RPS6KC1: variants seen among roughly 807,000 people sequenced by gnomAD.
The protein encoded by RPS6KC1 is ribosomal protein S6 kinase C1.
A neutral mutation model predicts 103.8 loss-of-function variants in RPS6KC1; 54 were observed. That is an observed-to-expected ratio of 0.52 (90% CI 0.42 to 0.65). RPS6KC1 has a LOEUF of 0.65. RPS6KC1 is among the 30% of genes least tolerant of loss of function. The probability of loss-of-function intolerance (pLI) is 0.00; values close to 1 mark genes in which losing one functional copy is unlikely to be tolerated. For synonymous variants in RPS6KC1, 439 were observed against 438.7 expected, an observed-to-expected ratio of 1.00 and a Z score of -0.01; for missense variants, 1,151 against 1,253.8, an observed-to-expected ratio of 0.92 and a Z score of 1.24.
the RPS6KC1 span, among the ~76,000 whole-genome samples, chr1:213,512,323 C>T: frequency 2.0e-5 from 3 of 152,166 alleles, no homozygotes; most frequent in Middle Eastern, 3.2e-3. Context: ...AGAAAGCCTT[C>T]GGTAACTTGT....
chr1:213,617,848 T>C, the RPS6KC1 span, among the ~76,000 whole-genome samples: 1 of 152,218 alleles, frequency 6.6e-6, no homozygotes, highest in Non-Finnish European at 1.5e-5. Context: ...GAGATTTTTC[T>C]TATTGCTCTA....
the RPS6KC1 span, among the ~76,000 whole-genome samples, chr1:213,666,070 G>A: frequency 4.7e-4 from 71 of 152,148 alleles, no homozygotes; most frequent in African/African-American, 1.5e-3. Context: ...ACCCCCTCTC[G>A]GCAGTGGGGT....
At chr1:213,481,205 A>C in the RPS6KC1 span, among the ~76,000 whole-genome samples, 7 of 152,162 alleles carry the variant, frequency 4.6e-5, no homozygotes, top group Non-Finnish European at 5.9e-5. Context: ...CTGTCCCTGA[A>C]GATTTGGTAA....
At chr1:213,126,349 G>C (rs959023589) in intron 5 of RPS6KC1, among the ~76,000 whole-genome samples, 2 of 152,046 alleles carry the variant, frequency 1.3e-5, no homozygotes, top group Admixed American at 6.6e-5. Context: ...TAGGCTCAAT[G>C]AATCTCATTT....
At chr1:213,181,232 C>G (rs528435724) in intron 8 of RPS6KC1, among the ~76,000 whole-genome samples, 1 of 152,168 alleles carries the variant, frequency 6.6e-6, no homozygotes, top group Non-Finnish European at 1.5e-5. Flanking sequence ...CAAGGAAGAT[C>G]GGTGAAGATC....
chr1:213,070,887 T>G (rs2078804794), intron 1 of RPS6KC1, 119 bp from the exon 2 acceptor site: 5 of 617,620 alleles, frequency 8.1e-6, no homozygotes. Context: ...AATGATATAG[T>G]GTTTATTTTT....
chr1:213,480,448 A>G, the RPS6KC1 span, among the ~76,000 whole-genome samples: 1 of 152,028 alleles, frequency 6.6e-6, no homozygotes, highest in Non-Finnish European at 1.5e-5. Flanking sequence ...GTCAAACGCT[A>G]TTGATTTTTG....
intron 4 of RPS6KC1, among the ~76,000 whole-genome samples, chr1:213,109,219 C>T (rs1237096819): frequency 6.6e-6 from 1 of 152,182 alleles, no homozygotes; most frequent in Non-Finnish European, 1.5e-5. Context: ...TCACTGCAAG[C>T]TCCACCTCCC....
the RPS6KC1 span, among the ~76,000 whole-genome samples, chr1:213,850,336 T>G: frequency 6.6e-6 from 1 of 152,354 alleles, no homozygotes; most frequent in Non-Finnish European, 1.5e-5. Context: ...ATTTTTTGTC[T>G]TGAATAGACC....
At chr1:213,694,216 G>A in the RPS6KC1 span, among the ~76,000 whole-genome samples, 1 of 152,274 alleles carries the variant, frequency 6.6e-6, no homozygotes, top group African/African-American at 2.4e-5. Context: ...AGAGAATTCT[G>A]CTTTTTCAAC....
At position 213,104,469 on chromosome 1, in the gene RPS6KC1, CTG is replaced by C; in HGVS notation, c.280_281del (p.Val94TyrfsTer9). On this transcript the variant is annotated frameshift_variant, in exon 4 of 15. Coordinates refer to ENST00000366960, the MANE Select transcript of RPS6KC1 (RefSeq NM_012424.6). LOFTEE classifies it high-confidence loss of function. ...TTAATTGTAGGGCGATTTGATGAAACTGTTATCGAAGAGAGAAGACAATGTGC... is the reference window on the plus strand; with the variant it reads ...TTAATTGTAGGGCGATTTGATGAAACTTATCGAAGAGAGAAGACAATGTGC... 3.1e-6 allele frequency: 5 copies of C among 1,608,630 alleles called. No homozygotes were observed. Among genetic ancestry groups the C allele is most frequent in the South Asian group, 1.1e-5 (1 of 90,808 alleles).
At chr1:213,334,375 T>G in the RPS6KC1 span, among the ~76,000 whole-genome samples, 1 of 152,198 alleles carries the variant, frequency 6.6e-6, no homozygotes, top group African/African-American at 2.4e-5. Flanking sequence ...TTAGGAGAAC[T>G]CCTGGCAGCA....
At chr1:213,590,127 G>A in the RPS6KC1 span, among the ~76,000 whole-genome samples, 9 of 152,120 alleles carry the variant, frequency 5.9e-5, no homozygotes, top group African/African-American at 1.9e-4. Context: ...ATTTCCTGGG[G>A]ATAGAAAAGA....
the RPS6KC1 span, among the ~76,000 whole-genome samples, chr1:213,409,561 G>T: frequency 2.6e-5 from 4 of 152,250 alleles, no homozygotes; most frequent in East Asian, 7.7e-4. Context: ...ATTTGTGGTT[G>T]AAAGAAAAGG....
chr1:213,270,274 G>A (rs1262943563), intron 14 of RPS6KC1, among the ~76,000 whole-genome samples: 2 of 152,120 alleles, frequency 1.3e-5, no homozygotes, highest in Non-Finnish European at 2.9e-5. Flanking sequence ...TGTTTGCAAA[G>A]GTTAACTCAG....
chr1:213,117,784 A>G (rs1227389695), intron 5 of RPS6KC1, among the ~76,000 whole-genome samples: 1 of 151,724 alleles, frequency 6.6e-6, no homozygotes, highest in Non-Finnish European at 1.5e-5. Context: ...GCACTTTGGG[A>G]GGCTGAGGTG....
chr1:213,268,051 CAT>C (rs1057107368), intron 14 of RPS6KC1, among the ~76,000 whole-genome samples: 22 of 151,850 alleles, frequency 1.4e-4, no homozygotes, highest in African/African-American at 4.8e-4. Flanking sequence ...TGATTAAAAA[CAT>C]TAACTTATGC....
intron 3 of RPS6KC1, among the ~76,000 whole-genome samples, chr1:213,096,186 C>T (rs746048319): frequency 4.6e-5 from 7 of 152,228 alleles, no homozygotes; most frequent in Non-Finnish European, 1.0e-4. Flanking sequence ...GACTCCTTCT[C>T]AAGAAACGAC....
the RPS6KC1 span, among the ~76,000 whole-genome samples, chr1:213,686,937 T>C: frequency 6.6e-6 from 1 of 152,144 alleles, no homozygotes; most frequent in Admixed American, 6.5e-5. Context: ...TTTTAGACCA[T>C]ATGGGGTAAC....
Sources: allele counts gnomAD v4.1 joint callset (sites outside exome capture counted in the v4.1 genomes callset), GRCh38; gene constraint gnomAD v4.1.1; transcripts MANE v1.5; gene names NCBI Gene and HGNC (gene_info 2026-07-23, HGNC 2026-07-21).